Variants in METTL4 observed in about 807,000 individuals in gnomAD.
METTL4 encodes the protein methyltransferase 4, N6-adenosine, also known as N(6)-adenine-specific methyltransferase METTL4.
METTL4 carries 40 observed loss-of-function variants against 54.0 expected under a neutral mutation model. The observed-to-expected ratio is 0.74, with a 90% CI of 0.58 to 0.96. The LOEUF (loss-of-function observed/expected upper bound fraction) is 0.96. Among genes scored for constraint, METTL4 ranks in the 50% least tolerant of loss-of-function variants. METTL4 has a pLI of 0.00. For missense variants in METTL4, 525 were observed against 549.0 expected, an observed-to-expected ratio of 0.96 and a Z score of 0.44; for synonymous variants, 169 against 183.8, an observed-to-expected ratio of 0.92 and a Z score of 0.65.
intron 8 of METTL4, among the ~76,000 whole-genome samples, chr18:2,543,113 C>CAAAA (rs34850061): frequency 1.2e-5 from 1 of 85,416 alleles, no homozygotes; most frequent in African/African-American, 4.1e-5. Context: ...GACTCCATCT[C>CAAAA]AAAAAAAAAA....
intron 5 of METTL4, among the ~76,000 whole-genome samples, chr18:2,551,333 T>C (rs1016454436): frequency 2.0e-5 from 3 of 150,700 alleles, no homozygotes; most frequent in African/African-American, 7.3e-5. Flanking sequence ...CACAAAAAAA[T>C]TATATAAAGA....
At chr18:2,567,982 C>A (rs1314853936) in intron 1 of METTL4, among the ~76,000 whole-genome samples, 2 of 152,210 alleles carry the variant, frequency 1.3e-5, no homozygotes, top group Non-Finnish European at 1.5e-5. Context: ...AGCAGTACCC[C>A]TTGGATAACT....
Position 2,566,953 on chromosome 18 carries a change from A to G in METTL4, c.264T>C (p.Phe88=). Residue 88 remains phenylalanine (F), a synonymous_variant, in exon 2 of 9, where the codon TTT becomes TTC. Transcript: ENST00000574538. ...NYEMFTRKFV[F]RPELFDVTKP... The stretch of plus-strand genomic sequence containing the variant: ...TGGTGACATCAAACAGTTCAGGTCG[A>G]AAAACAAATTTTCGTGTGAACATTT... 1 of 1,614,188 alleles carries G rather than the reference A, an allele frequency of 6.2e-7. No homozygotes were observed. The highest frequency in any genetic ancestry group is 8.5e-7 in the Non-Finnish European group (1 of 1,180,028).
In METTL4 at chr18:2,555,041, G is replaced by A. The variant is rs1488365597; in HGVS notation, c.460-3C>T. The A allele has an allele frequency of 6.8e-6, 11 of 1,608,080 alleles. No individual in the cohort carries two copies. Among genetic ancestry groups the A allele is most frequent in the South Asian group, 5.6e-5 (5 of 89,730 alleles). On this transcript the variant is annotated splice_region_variant and splice_polypyrimidine_tract_variant and intron_variant, in intron 3 of 8. Coordinates refer to ENST00000574538, the MANE Select transcript of METTL4 (RefSeq NM_022840.5). ...CCATCCAAAATCAGCTCCCTGATCT[G>A]TAAGAGAATTTTAAGTACATTAAAA...
At chr18:2,547,590 G>A in intron 5 of METTL4, 61 bp from the exon 6 acceptor site, 1 of 1,328,270 alleles carries the variant, frequency 7.5e-7, no homozygotes, top group Non-Finnish European at 1.0e-6. Context: ...AACTAAGCAG[G>A]GATAAGACAT....
In METTL4 at chr18:2,544,228, AG is replaced by A. The variant is rs767536167; in HGVS notation, c.1239del (p.Cys414ValfsTer14). 5 of 1,613,296 alleles carry A rather than the reference AG, an allele frequency of 3.1e-6. No individual in the cohort carries two copies. The highest frequency in any genetic ancestry group is 2.5e-6 in the Non-Finnish European group (3 of 1,179,724). On this transcript the variant is annotated frameshift_variant, in exon 8 of 9. Transcript: ENST00000574538. LOFTEE classifies it high-confidence loss of function. The stretch of plus-strand genomic sequence containing the variant: ...GGTGGCTTATGTGAGTGAAGAGTAC[AG>A]GGCACGCTGACAATTAATTTGTGGT... ...IPDHKLIVSV[P>X]CTLHSHKPPL...
intron 5 of METTL4, among the ~76,000 whole-genome samples, chr18:2,547,740 T>C (rs1373892184): frequency 8.0e-6 from 1 of 125,666 alleles, no homozygotes; most frequent in Non-Finnish European, 1.8e-5. Flanking sequence ...TTTAAAATCG[T>C]CAGGCTGTAT....
At chr18:2,545,501 A>G (rs1258279252) in intron 6 of METTL4, among the ~76,000 whole-genome samples, 1 of 152,148 alleles carries the variant, frequency 6.6e-6, no homozygotes, top group Non-Finnish European at 1.5e-5. Flanking sequence ...CCTTGGCATT[A>G]TAAATTCAGA....
chr18:2,544,641 C>A lies in METTL4; in HGVS notation c.1181+12G>T. The A allele has an allele frequency of 6.5e-7, 1 of 1,535,280 alleles. No homozygotes were observed. The highest frequency in any genetic ancestry group is 8.9e-7 in the Non-Finnish European group (1 of 1,121,734). On this transcript the variant is annotated intron_variant, in intron 7 of 8. Transcript: ENST00000574538. ...ATACATGTATACAATTTTGAAAAATCACCTTTCCTACCTCAATGGTAGAGC... is the reference window on the plus strand; with the variant it reads ...ATACATGTATACAATTTTGAAAAATAACCTTTCCTACCTCAATGGTAGAGC...
At chr18:2,569,751 T>C (rs1248172040) in intron 1 of METTL4, among the ~76,000 whole-genome samples, 2 of 152,212 alleles carry the variant, frequency 1.3e-5, no homozygotes, top group African/African-American at 4.8e-5. Context: ...ATATCTTCTC[T>C]TCCCCACCTT....
intron 3 of METTL4, chr18:2,561,532 AG>A (rs1398475168): frequency 2.0e-5 from 3 of 152,250 alleles, no homozygotes; most frequent in African/African-American, 7.2e-5. Flanking sequence ...AAATGGCAAC[AG>A]GTTTTCTAAC....
intron 6 of METTL4, among the ~76,000 whole-genome samples, chr18:2,545,420 A>G (rs1314155699): frequency 6.6e-6 from 1 of 152,124 alleles, no homozygotes; most frequent in Non-Finnish European, 1.5e-5. Context: ...ATCATTAAAC[A>G]TTGTCAAAGC....
intron 5 of METTL4, among the ~76,000 whole-genome samples, chr18:2,551,024 C>T (rs1023554916): frequency 1.3e-5 from 2 of 151,080 alleles, no homozygotes; most frequent in East Asian, 1.9e-4. Context: ...ATTAGCCGGG[C>T]GTGGTAGCGG....
At chr18:2,557,192 A>G (rs2072251502) in intron 3 of METTL4, among the ~76,000 whole-genome samples, 1 of 152,210 alleles carries the variant, frequency 6.6e-6, no homozygotes, top group Non-Finnish European at 1.5e-5. Context: ...AAAGGGCTCC[A>G]CAGAGAGAGA....
intron 3 of METTL4, among the ~76,000 whole-genome samples, chr18:2,558,209 A>T (rs917208988): frequency 4.6e-5 from 7 of 152,190 alleles, no homozygotes; most frequent in African/African-American, 1.7e-4. Flanking sequence ...GATAACTCGT[A>T]TGCTGGGCCA....
chr18:2,547,601 G>T, intron 5 of METTL4, 72 bp from the exon 6 acceptor site: 1 of 1,160,712 alleles, frequency 8.6e-7, no homozygotes, highest in Non-Finnish European at 1.2e-6. Context: ...GATAAGACAT[G>T]CATAACACAG....
intron 3 of METTL4, among the ~76,000 whole-genome samples, chr18:2,555,793 T>C (rs1393097135): frequency 6.7e-6 from 1 of 150,040 alleles, no homozygotes; most frequent in Admixed American, 6.6e-5. Flanking sequence ...CAAAATATGT[T>C]TGTTTGTTTT....
In METTL4 at chr18:2,567,200, T is replaced by C. The variant is rs754838686; in HGVS notation, c.17A>G (p.Gln6Arg). The change falls in exon 2 of 9, where the codon CAG (glutamine) becomes CGG (arginine). Residue 6 changes from glutamine (Q) to arginine (R), a missense_variant. By Grantham distance (43) the Gln-to-Arg change is conservative (BLOSUM62 1). Transcript: ENST00000574538. ...ATCCAGTAACCACCCAGCTGACAAC[T>C]GGTGTACCACAGACATTCCCTTCCT... MSVVH[Q>R]LSAGWLLDHL... 1.1e-5 allele frequency: 17 copies of C among 1,608,430 alleles called. No individual in the cohort carries two copies. Among genetic ancestry groups the C allele is most frequent in the Non-Finnish European group, 1.4e-5 (16 of 1,176,982 alleles).
intron 3 of METTL4, 93 bp downstream of exon 3, chr18:2,563,700 CTTGA>C (rs1401901688): frequency 2.9e-6 from 2 of 700,198 alleles, no homozygotes; most frequent in African/African-American, 1.9e-5. Flanking sequence ...AAAATGATTG[CTTGA>C]TTTTGAAAAA....
Sources: gnomAD v4.1 joint callset for allele counts (sites outside exome capture counted in the v4.1 genomes callset) on GRCh38, gnomAD v4.1.1 for gene constraint, MANE v1.5 for transcripts, NCBI Gene and HGNC (gene_info 2026-07-23, HGNC 2026-07-21) for gene names.